Variants in BICDL2 observed in about 807,000 individuals in gnomAD.
BICDL2 encodes the protein BICD family-like cargo adapter 2.
Under a neutral mutation model 56.6 loss-of-function variants are expected in BICDL2, and 62 were observed. The ratio of observed to expected loss-of-function variants is 1.10; its 90% CI spans 0.89 to 1.35. The LOEUF is 1.35. Ranked by LOEUF, BICDL2 falls within the 40% of genes most tolerant of loss-of-function variation. BICDL2 has a pLI of 0.00. For synonymous variants in BICDL2, 358 were observed against 319.8 expected, an observed-to-expected ratio of 1.12 and a Z score of -1.27; for missense variants, 808 against 684.5, an observed-to-expected ratio of 1.18 and a Z score of -2.01.
chr16:3,027,852 T>C lies in BICDL2; in HGVS notation c.*254A>G. The C allele has an allele frequency of 1.2e-6, 1 of 819,314 alleles. No homozygotes were observed. 50.8% of individuals were successfully genotyped at this position (819,314 alleles called of 1,614,324 possible). ...TAAATACCCAGCCCCATCCCTGCCCTAGAAAAGATAGACGTATATTAATTC... is the reference window on the plus strand; with the variant it reads ...TAAATACCCAGCCCCATCCCTGCCCCAGAAAAGATAGACGTATATTAATTC... On this transcript the variant is annotated 3_prime_UTR_variant, in exon 10 of 10. Coordinates refer to ENST00000572449, the MANE Select transcript of BICDL2 (RefSeq NM_001369667.1).
chr16:3,035,567 C>A (rs1484841034), intron 1 of BICDL2, 41 bp from the exon 2 acceptor site: 1 of 1,505,672 alleles, frequency 6.6e-7, no homozygotes. Context: ...GGGGCTCACC[C>A]TCCGCCCAGC....
Position 3,035,732 on chromosome 16 carries a change from C to T in BICDL2, c.-30-206G>A, listed in dbSNP as rs1955726088. On this transcript the variant is annotated intron_variant, in intron 1 of 9. Transcript: ENST00000572449. ...TGAGGCAGGAAGCAGAAGGAAATGA[C>T]CTGCCCAGCCTTTGGCCTCTGCCAG... 4 of 570,930 alleles carry T rather than the reference C, an allele frequency of 7.0e-6. No homozygotes were observed. In the Admixed American group the frequency reaches 1.2e-4, roughly 18 times the overall value. 35.4% of individuals were successfully genotyped at this position (570,930 alleles called of 1,614,324 possible).
In BICDL2 at chr16:3,035,811, C is replaced by T. The variant is rs1341634345; in HGVS notation, c.-30-285G>A. The T allele has an allele frequency of 1.5e-4, 62 of 427,052 alleles. No individual in the cohort carries two copies. The East Asian group carries it at 2.5e-3, about 17-fold the overall frequency. The allele number at this position is 427,052 out of a possible 1,614,324, so 26.5% of individuals were successfully genotyped here. ...CCAGTGCTCCAGGGCCACAGGCCAC[C>T]TCTGCTCCCTGTCCCCTCTCTTCCC... On this transcript the variant is annotated intron_variant, in intron 1 of 9. Transcript: ENST00000572449.
intron 7 of BICDL2, 45 bp downstream of exon 7, chr16:3,029,235 A>C (rs1335081340): frequency 1.3e-6 from 2 of 1,589,394 alleles, no homozygotes; most frequent in East Asian, 4.5e-5. Flanking sequence ...ACAGAAACTG[A>C]CAGCTGGAGG....
In BICDL2 at chr16:3,035,483, T is replaced by A; in HGVS notation, c.14A>T (p.Asp5Val). ...CGGCCCGGACGGGAAGCTGGGCCCA[T>A]CTGGAGAGCTCATGTCACCTGCAGC... The part of the protein sequence containing the change: MSSP[D>V]GPSFPSGPLS... Residue 5 changes from aspartate (D) to valine (V), a missense_variant, in exon 2 of 10, where the codon GAT becomes GTT. Physicochemically the swap from Asp to Val is radical, Grantham distance 152 (BLOSUM62 -3). Transcript: ENST00000572449. 1 of 1,609,354 alleles carries A rather than the reference T, an allele frequency of 6.2e-7. No individual in the cohort carries two copies. The highest frequency in any genetic ancestry group is 8.5e-7 in the Non-Finnish European group (1 of 1,179,070).
chr16:3,035,009 A>G, intron 2 of BICDL2: 1 of 590,592 alleles, frequency 1.7e-6, no homozygotes, highest in South Asian at 2.2e-5. Context: ...TGTGCCCGGC[A>G]CCCAGAGTTC....
intron 5 of BICDL2, 32 bp from the exon 6 acceptor site, chr16:3,029,771 C>G (rs754857535): frequency 1.1e-5 from 16 of 1,451,502 alleles, no homozygotes; most frequent in African/African-American, 1.5e-5. Flanking sequence ...GAAGCGCGGG[C>G]GGTCAGCGGG....
Position 3,030,691 on chromosome 16 carries a change from C to T in BICDL2, c.615+5G>A, listed in dbSNP as rs529542259. On this transcript the variant is annotated splice_donor_5th_base_variant and intron_variant, in intron 4 of 9. Transcript: ENST00000572449. Reference sequence around the variant, plus strand: ...GATAATCCCCCAGCCCCAGCTGACACTCACTTCCCCCTGCAGACTCTCCAG... The same window carrying T: ...GATAATCCCCCAGCCCCAGCTGACATTCACTTCCCCCTGCAGACTCTCCAG... 114 of 1,610,026 alleles carry T rather than the reference C, an allele frequency of 7.1e-5. No homozygotes were observed. Among genetic ancestry groups the T allele is most frequent in the Admixed American group, 1.0e-4 (6 of 59,770 alleles).
chr16:3,036,232 T>A lies in BICDL2; in HGVS notation c.-31+662A>T. On this transcript the variant is annotated intron_variant, in intron 1 of 9. Transcript: ENST00000572449. ...AGCCCTGACCCTCAGCCCCCCAGTT[T>A]CCCAGGGCCCTGGCGTGGGGCCCAG... The A allele has an allele frequency of 6.6e-6, 3 of 453,902 alleles. No homozygotes were observed. The Middle Eastern group carries it at 9.8e-4, about 149-fold the overall frequency. 28.1% of individuals were successfully genotyped at this position (453,902 alleles called of 1,614,324 possible). A position where few individuals can be genotyped will look rare whatever the true frequency, so the allele number is the denominator to read the frequency against.
Position 3,029,714 on chromosome 16 carries a change from C to A in BICDL2, c.788G>T (p.Gly263Val). ...CCTCCGCAGCGCACTCAGCGCCTCC[C>A]CAGCCTCTGACCGTGCGCGTTCCAG... is the stretch of plus-strand genomic sequence containing the variant. The part of the protein sequence containing the change: ...LELERARSEA[G>V]EALSALRRLQ... Residue 263 changes from glycine to valine, a missense_variant, in exon 6 of 10, where the codon GGG (glycine) becomes GTG (valine). Coordinates refer to ENST00000572449, the MANE Select transcript of BICDL2 (RefSeq NM_001369667.1). 1 of 1,540,350 alleles carries A rather than the reference C, an allele frequency of 6.5e-7. No homozygotes were observed. The highest frequency in any genetic ancestry group is 8.7e-7 in the Non-Finnish European group (1 of 1,150,348).
chr16:3,035,325 C>G lies in BICDL2; in HGVS notation c.172G>C (p.Glu58Gln), dbSNP rs71386699. The change falls in exon 2 of 10, where the codon GAG (glutamate) becomes CAG (glutamine). Residue 58 changes from glutamate (E) to glutamine (Q), a missense_variant. By Grantham distance (29) the Glu-to-Gln change is conservative. Coordinates refer to ENST00000572449, the MANE Select transcript of BICDL2 (RefSeq NM_001369667.1). ...EDLALQLQQK[E>Q]KDLLLAAELG... ...TCCGCGGCCAACAGCAGGTCTTTCT[C>G]CTTCTGCTGCAGCTGCAAGGCTAGG... 102 of 1,586,314 alleles carry G rather than the reference C, an allele frequency of 6.4e-5. 2 individuals carry two copies. Among genetic ancestry groups the G allele is most frequent in the South Asian group, 6.4e-4 (56 of 87,446 alleles).
intron 1 of BICDL2, chr16:3,036,497 G>T (rs1360102216): frequency 2.2e-6 from 1 of 456,278 alleles, no homozygotes; most frequent in Non-Finnish European, 4.4e-6. Context: ...CCTCTCGCCC[G>T]GTGTCCATGT....
rs1390840894 is a variant in BICDL2, at chr16:3,036,288, G to GCC, written c.-31+604_-31+605dup. 1.8e-5 allele frequency: 8 copies of GCC among 452,042 alleles called. No individual in the cohort carries two copies. The East Asian group carries it at 5.6e-4, about 32-fold the overall frequency. 28.0% of individuals were successfully genotyped at this position (452,042 alleles called of 1,614,324 possible). On this transcript the variant is annotated intron_variant, in intron 1 of 9. Coordinates refer to ENST00000572449, the MANE Select transcript of BICDL2 (RefSeq NM_001369667.1). Reference sequence around the variant, plus strand: ...GGCGAGGTAACAGGTTGTGCCGGCCGCCCGGCCGCAGCGCGGCTCGGAGTT... The same window carrying GCC: ...GGCGAGGTAACAGGTTGTGCCGGCCGCCCCCGGCCGCAGCGCGGCTCGGAGTT...
chr16:3,035,505 C>T lies in BICDL2; in HGVS notation c.-9G>A, dbSNP rs766705392. ...CCATCTGGAGAGCTCATGTCACCTG[C>T]AGCATCTGCGGGGACAGGTGGCTGC... On this transcript the variant is annotated 5_prime_UTR_variant, in exon 2 of 10. Transcript: ENST00000572449. 1 of 1,601,530 alleles carries T rather than the reference C, an allele frequency of 6.2e-7. No individual in the cohort carries two copies. The highest frequency in any genetic ancestry group is 2.2e-5 in the East Asian group (1 of 44,684).
At chr16:3,030,842 C>A (rs367857030) in intron 3 of BICDL2, 30 bp from the exon 4 acceptor site, 1 of 1,580,442 alleles carries the variant, frequency 6.3e-7, no homozygotes, top group Non-Finnish European at 8.6e-7. Flanking sequence ...GACAGAGGAG[C>A]CTCAGCACCA....
intron 2 of BICDL2, chr16:3,032,829 T>C (rs953295161): frequency 2.6e-5 from 4 of 151,368 alleles, no homozygotes; most frequent in Admixed American, 1.3e-4. Context: ...GAGAAAGGGG[T>C]GGTGCTGCTG....
chr16:3,035,084 G>A (rs732261), intron 2 of BICDL2, 131 bp downstream of exon 2: 58 of 911,278 alleles, frequency 6.4e-5, no homozygotes, highest in African/African-American at 2.8e-4. Flanking sequence ...GTTCCAAAGT[G>A]CCCCCCTCGC....
intron 2 of BICDL2, 158 bp downstream of exon 2, chr16:3,035,056 TG>T (rs1292059816): frequency 8.6e-6 from 6 of 695,650 alleles, no homozygotes; most frequent in Non-Finnish European, 1.4e-5. Context: ...CCAGGGGGAC[TG>T]GGCCCAGCTC....
At chr16:3,036,440 C>G in intron 1 of BICDL2, 1 of 456,272 alleles carries the variant, frequency 2.2e-6, no homozygotes, top group Non-Finnish European at 4.4e-6. Flanking sequence ...CCCAGCCCTC[C>G]GGGGGCTCAC....
Sources: gnomAD v4.1 joint callset for allele counts on GRCh38, gnomAD v4.1.1 for gene constraint, MANE v1.5 for transcripts, NCBI Gene and HGNC (gene_info 2026-07-23, HGNC 2026-07-21) for gene names.